TAFA5: variants seen among roughly 807,000 people sequenced by gnomAD.
TAFA5 encodes chemokine-like protein TAFA-5.
A neutral mutation model predicts 15.3 loss-of-function variants in TAFA5; 6 were observed. That is an observed-to-expected ratio of 0.39 (90% CI 0.21 to 0.77). The LOEUF is 0.77. TAFA5 is among the 30% of genes least tolerant of loss of function. TAFA5 has a pLI of 0.41. For missense variants in TAFA5, 161 were observed against 193.1 expected (o/e 0.83, Z 0.98); for synonymous variants, 103 against 80.7 (o/e 1.28, Z -1.48).
At chr22:48,714,253 C>T (rs188251150) in intron 3 of TAFA5, among the ~76,000 whole-genome samples, 53 of 152,302 alleles carry the variant, frequency 3.5e-4, no homozygotes, top group African/African-American at 7.9e-4. Flanking sequence ...GACAGGGACA[C>T]GAAAGGGGGA....
At chr22:48,714,511 A>G (rs1288914425) in intron 3 of TAFA5, among the ~76,000 whole-genome samples, 5 of 152,144 alleles carry the variant, frequency 3.3e-5, no homozygotes, top group African/African-American at 4.8e-5. Flanking sequence ...GCAGAATCCA[A>G]AGAAAACTGG....
intron 3 of TAFA5, among the ~76,000 whole-genome samples, chr22:48,724,728 G>A (rs1375728456): frequency 6.6e-6 from 1 of 152,198 alleles, no homozygotes; most frequent in Non-Finnish European, 1.5e-5. Flanking sequence ...TGCACAAAAA[G>A]CCCTGGACTT....
intron 3 of TAFA5, among the ~76,000 whole-genome samples, chr22:48,747,895 TAAAAAAAA>T (rs130233): frequency 8.2e-6 from 1 of 121,598 alleles, no homozygotes; most frequent in Non-Finnish European, 1.7e-5. Context: ...AGACTCTGTC[TAAAAAAAA>T]AAAAAAAAAA....
At chr22:48,692,106 TA>T (rs1928561862) in intron 2 of TAFA5, among the ~76,000 whole-genome samples, 2 of 152,102 alleles carry the variant, frequency 1.3e-5, no homozygotes. Context: ...GGGAGGAGGC[TA>T]GGGTCTTCCT....
intron 1 of TAFA5, among the ~76,000 whole-genome samples, chr22:48,608,951 C>G (rs1925298731): frequency 6.6e-6 from 1 of 152,254 alleles, no homozygotes; most frequent in Non-Finnish European, 1.5e-5. Flanking sequence ...GGACCGTCAA[C>G]TGGACATTGG....
intron 2 of TAFA5, among the ~76,000 whole-genome samples, chr22:48,666,011 G>C (rs897356786): frequency 7.1e-6 from 1 of 140,106 alleles, no homozygotes; most frequent in Admixed American, 7.2e-5. Context: ...GGAACGAGGG[G>C]CCTGGCCTGG....
chr22:48,665,561 G>A (rs1241956512), intron 2 of TAFA5, among the ~76,000 whole-genome samples: 2 of 152,100 alleles, frequency 1.3e-5, no homozygotes, highest in East Asian at 1.9e-4. Flanking sequence ...GTTCCATGTG[G>A]TATGAGATGG....
Position 48,550,177 on chromosome 22 carries a change from G to A in TAFA5, c.112+60473G>A, listed in dbSNP as rs923031796. Among the ~76,000 whole-genome samples, 1 of 152,256 alleles carries A rather than the reference G, an allele frequency of 6.6e-6. No individual in the cohort carries two copies. The highest frequency in any genetic ancestry group is 1.5e-5 in the Non-Finnish European group (1 of 68,054). ...TGTCCACCCGAGGTGGCCCTGCCCTGTTTCCACACACAGCCTACCTAGAGC... is the reference window on the plus strand; with the variant it reads ...TGTCCACCCGAGGTGGCCCTGCCCTATTTCCACACACAGCCTACCTAGAGC... On this transcript the variant is annotated intron_variant, in intron 1 of 3. Coordinates refer to ENST00000402357, the MANE Select transcript of TAFA5 (RefSeq NM_001082967.3). The surrounding 1 kb of genome is among the most constrained non-coding windows in gnomAD (Gnocchi z 4.1).
chr22:48,493,078 G>A (rs1321448999), intron 1 of TAFA5, among the ~76,000 whole-genome samples: 1 of 152,206 alleles, frequency 6.6e-6, no homozygotes, highest in African/African-American at 2.4e-5. Context: ...GCAAGGGAGA[G>A]AAGCAAATGA....
intron 2 of TAFA5, among the ~76,000 whole-genome samples, chr22:48,704,241 G>A (rs4925448): frequency 0.3 from 45,792 of 151,792 alleles, 7,327 homozygotes; most frequent in African/African-American, 0.4. Flanking sequence ...TCTGTAATTT[G>A]TCCAGCTCTT....
chr22:48,692,674 T>C (rs988315813), intron 2 of TAFA5, among the ~76,000 whole-genome samples: 1 of 152,222 alleles, frequency 6.6e-6, no homozygotes, highest in Non-Finnish European at 1.5e-5. Flanking sequence ...GGCACAGCAG[T>C]GCTGTAGGAT....
At chr22:48,587,100 C>T (rs902229983) in intron 1 of TAFA5, among the ~76,000 whole-genome samples, 1 of 152,246 alleles carries the variant, frequency 6.6e-6, no homozygotes, top group African/African-American at 2.4e-5. Flanking sequence ...ATGCAGGTCT[C>T]TCTTCATGCT....
At chr22:48,589,986 C>CGT (rs35969553) in intron 1 of TAFA5, among the ~76,000 whole-genome samples, 58,499 of 149,642 alleles carry the variant, frequency 0.39, 11,595 homozygotes, top group African/African-American at 0.48. Flanking sequence ...TTGCAGCCGA[C>CGT]GTGTGTGTGT....
chr22:48,646,388 T>G (rs9617406), intron 1 of TAFA5, among the ~76,000 whole-genome samples: 101,678 of 152,088 alleles, frequency 0.67, 34,782 homozygotes, highest in East Asian at 0.79. Flanking sequence ...CAGGGTGGAG[T>G]TCGCCGACTT....
chr22:48,489,809 T>A lies in TAFA5; in HGVS notation c.112+105T>A. The A allele has an allele frequency of 1.6e-6, 1 of 611,062 alleles. No individual in the cohort carries two copies. Among genetic ancestry groups the A allele is most frequent in the Non-Finnish European group, 2.5e-6 (1 of 407,608 alleles). 37.9% of individuals were successfully genotyped at this position (611,062 alleles called of 1,614,324 possible). The stretch of plus-strand genomic sequence containing the variant: ...GGGCCTCCCGGAGTCGGCGCGGAGT[T>A]ACGAGCGCCGGGCGCATGGTCCCCC... On this transcript the variant is annotated intron_variant, in intron 1 of 3. Transcript: ENST00000402357. This position sits in a 1 kb window ranked among gnomAD's most constrained non-coding sequence, Gnocchi z 5.5.
intron 1 of TAFA5, among the ~76,000 whole-genome samples, chr22:48,512,941 A>AG (rs1186968983): frequency 1.1e-3 from 164 of 147,690 alleles, no homozygotes; most frequent in Non-Finnish European, 1.5e-3. Context: ...AAAAAAAAAA[A>AG]AAAGAGAGAG....
chr22:48,615,451 C>T (rs1925566309), intron 1 of TAFA5, among the ~76,000 whole-genome samples: 1 of 152,184 alleles, frequency 6.6e-6, no homozygotes, highest in Admixed American at 6.5e-5. Flanking sequence ...GTGTTCCTCT[C>T]GGATGGGCTT....
intron 2 of TAFA5, among the ~76,000 whole-genome samples, chr22:48,681,052 C>T (rs999663616): frequency 1.3e-5 from 2 of 152,248 alleles, no homozygotes; most frequent in Non-Finnish European, 2.9e-5. Context: ...CGGGGCCCTA[C>T]CTGTCAGATT....
chr22:48,646,505 G>A, intron 1 of TAFA5, 92 bp from the exon 2 acceptor site: 1 of 1,492,676 alleles, frequency 6.7e-7, no homozygotes, highest in Non-Finnish European at 9.0e-7. Flanking sequence ...CCTGGCTGCT[G>A]GGGGCCCCTC....
Sources: allele counts gnomAD v4.1 joint callset (sites outside exome capture counted in the v4.1 genomes callset), GRCh38; gene constraint gnomAD v4.1.1; non-coding constraint Gnocchi (gnomAD v3.1); transcripts MANE v1.5; gene names NCBI Gene and HGNC (gene_info 2026-07-23, HGNC 2026-07-21).